The following KAZN variants were observed in gnomAD, a reference collection of about 807,000 sequenced individuals.
The protein encoded by KAZN is kazrin, periplakin interacting protein.
KAZN carries 40 observed loss-of-function variants against 87.4 expected under a neutral mutation model. The ratio of observed to expected loss-of-function variants is 0.46; its 90% CI spans 0.36 to 0.60. The LOEUF (loss-of-function observed/expected upper bound fraction) is 0.60, where lower values mean the gene tolerates loss of function less well. Ranked by LOEUF, KAZN falls within the 20% of genes least tolerant of loss-of-function variation. The pLI is 0.00. For synonymous variants in KAZN, 466 were observed against 458.3 expected (o/e 1.02, Z -0.22); for missense variants, 898 against 1,073.9 (o/e 0.84, Z 2.29).
chr1:13,973,715 G>C (rs1472137217), intron 1 of KAZN, among the ~76,000 whole-genome samples: 1 of 152,184 alleles, frequency 6.6e-6, no homozygotes, highest in Non-Finnish European at 1.5e-5. Context: ...ACAGTGTCGT[G>C]CATCTTCTGC....
intron 1 of KAZN, among the ~76,000 whole-genome samples, chr1:14,124,907 A>G (rs1644831088): frequency 1.3e-5 from 2 of 152,084 alleles, no homozygotes; most frequent in Non-Finnish European, 1.5e-5. Flanking sequence ...TGGGGAGGGG[A>G]GAGAGGGAGA....
chr1:14,420,448 C>T (rs1346696847), intron 2 of KAZN, among the ~76,000 whole-genome samples: 1 of 152,222 alleles, frequency 6.6e-6, no homozygotes, highest in Non-Finnish European at 1.5e-5. Context: ...CCCACCGGAG[C>T]CACGGGGGGA....
chr1:14,631,307 A>G (rs1375628502), intron 1 of KAZN, among the ~76,000 whole-genome samples: 2 of 152,238 alleles, frequency 1.3e-5, no homozygotes, highest in Non-Finnish European at 2.9e-5. Flanking sequence ...AGTGAAGGCT[A>G]GAATAATTTG....
chr1:15,070,651 C>T (rs1437849900), intron 8 of KAZN, among the ~76,000 whole-genome samples: 1 of 152,152 alleles, frequency 6.6e-6, no homozygotes, highest in African/African-American at 2.4e-5. Flanking sequence ...GGACATCAGT[C>T]GTTTGACAAA....
rs546085308 is a variant in KAZN at position 14,902,327 on chromosome 1, G to A, written c.227-58357G>A. Among the ~76,000 whole-genome samples the A allele has an allele frequency of 1.7e-3, 251 of 151,748 alleles. 3 individuals are homozygous for A. The highest frequency in any genetic ancestry group is 2.5e-3 in the Admixed American group (38 of 15,216). ...AGCAAGCTCCGCCTCCCGGGTTCACGCCATTCTCCTGCCTCAGCTTCCTGA... is the reference window on the plus strand; with the variant it reads ...AGCAAGCTCCGCCTCCCGGGTTCACACCATTCTCCTGCCTCAGCTTCCTGA... On this transcript the variant is annotated intron_variant, in intron 1 of 14. Transcript: ENST00000376030.
intron 2 of KAZN, among the ~76,000 whole-genome samples, chr1:14,571,330 A>AAG (rs978340572): frequency 1.1e-4 from 16 of 152,116 alleles, no homozygotes; most frequent in African/African-American, 3.9e-4. Context: ...AATTACACCA[A>AAG]AGAGAAAGAA....
At chr1:14,146,773 C>A (rs963576701) in intron 1 of KAZN, among the ~76,000 whole-genome samples, 1 of 149,128 alleles carries the variant, frequency 6.7e-6, no homozygotes, top group East Asian at 2.0e-4. Context: ...TTTCTGGTAA[C>A]CTTTCATTTT....
At chr1:14,889,396 G>T (rs970981187) in intron 1 of KAZN, among the ~76,000 whole-genome samples, 2 of 152,152 alleles carry the variant, frequency 1.3e-5, no homozygotes, top group Non-Finnish European at 2.9e-5. Context: ...CAGTAAAATG[G>T]ATGCACTATA....
rs1662239764 is a variant in KAZN at position 14,949,592 on chromosome 1, C to G, written c.227-11092C>G. ...TCCTCCTGGTGCCAGAAGCACCTGC[C>G]AAGTGATTTTTGTAGCCTCTGCCAT... On this transcript the variant is annotated intron_variant, in intron 1 of 14. Coordinates refer to ENST00000376030, the MANE Select transcript of KAZN (RefSeq NM_201628.3). This position sits in a 1 kb window ranked among gnomAD's most constrained non-coding sequence, Gnocchi z 4.3. Among the ~76,000 whole-genome samples, 1 of 152,326 alleles carries G rather than the reference C, an allele frequency of 6.6e-6. No individual in the cohort carries two copies. Among genetic ancestry groups the G allele is most frequent in the South Asian group, 2.1e-4 (1 of 4,828 alleles).
intron 2 of KAZN, among the ~76,000 whole-genome samples, chr1:14,425,342 C>G (rs1665662030): frequency 6.6e-6 from 1 of 152,310 alleles, no homozygotes; most frequent in South Asian, 2.1e-4. Flanking sequence ...AGTAAAGGCT[C>G]CAGCTGCAGT....
intron 2 of KAZN, among the ~76,000 whole-genome samples, chr1:14,356,330 T>C (rs1659026181): frequency 6.6e-6 from 1 of 152,234 alleles, no homozygotes. Context: ...TATTAGCCCT[T>C]TGTCAGATTG....
intron 1 of KAZN, among the ~76,000 whole-genome samples, chr1:14,691,698 G>A (rs930050923): frequency 7.9e-5 from 12 of 152,086 alleles, no homozygotes; most frequent in African/African-American, 2.9e-4. Context: ...TGTTGGCCAG[G>A]CTGGTCTCAA....
intron 1 of KAZN, among the ~76,000 whole-genome samples, chr1:13,965,044 A>G (rs960075975): frequency 2.6e-5 from 4 of 152,038 alleles, no homozygotes; most frequent in Admixed American, 6.5e-5. Context: ...ACACAGCAGG[A>G]GAGTGAGGCT....
At chr1:14,107,459 C>T (rs1644402566) in intron 1 of KAZN, among the ~76,000 whole-genome samples, 2 of 152,054 alleles carry the variant, frequency 1.3e-5, no homozygotes, top group East Asian at 1.9e-4. Flanking sequence ...AAAGTAATTC[C>T]TCTCCCTGTC....
At chr1:14,076,378 C>A (rs1412411675) in intron 1 of KAZN, among the ~76,000 whole-genome samples, 1 of 152,108 alleles carries the variant, frequency 6.6e-6, no homozygotes, top group African/African-American at 2.4e-5. Context: ...CCAAGGAGTG[C>A]TGAAGATTGC....
Position 14,755,824 on chromosome 1 carries a change from G to A in KAZN, c.226+156601G>A, listed in dbSNP as rs375271455. Among the ~76,000 whole-genome samples the A allele has an allele frequency of 3.8e-4, 58 of 152,250 alleles. 1 individual carries two copies. In the South Asian group the frequency reaches 0.011, roughly 29 times the overall value. On this transcript the variant is annotated intron_variant, in intron 1 of 14. Coordinates refer to ENST00000376030, the MANE Select transcript of KAZN (RefSeq NM_201628.3). Reference sequence around the variant, plus strand: ...ACTGGCCAAGTGGAGTGAACATTCCGGGGAATTCACCCACTTAGGAGAAAC... The same window carrying A: ...ACTGGCCAAGTGGAGTGAACATTCCAGGGAATTCACCCACTTAGGAGAAAC...
At chr1:15,110,964 T>C (rs1361316250) in intron 13 of KAZN, among the ~76,000 whole-genome samples, 1 of 152,232 alleles carries the variant, frequency 6.6e-6, no homozygotes, top group African/African-American at 2.4e-5. Context: ...GCCAGCTACC[T>C]GAGTTTACAT....
In KAZN at chr1:14,244,313, C is replaced by T. The variant is rs192020632; in HGVS notation, c.249+63721C>T. On this transcript the variant is annotated intron_variant, in intron 2 of 16. Transcript: ENST00000636203. ...CACCTTTCAGAGAAGCCACCTCTGG[C>T]TACTTTCTCTACAGAAGAAGTAACC... is the stretch of plus-strand genomic sequence containing the variant. Among the ~76,000 whole-genome samples the T allele has an allele frequency of 2.6e-5, 4 of 152,324 alleles. No homozygotes were observed. In the East Asian group the frequency reaches 7.7e-4, roughly 29 times the overall value.
chr1:13,920,644 A>G (rs1260102548), intron 1 of KAZN, among the ~76,000 whole-genome samples: 1 of 152,220 alleles, frequency 6.6e-6, no homozygotes, highest in Non-Finnish European at 1.5e-5. Flanking sequence ...TTAAGGGTTT[A>G]GGGAGGGAGA....
Sources: allele counts gnomAD v4.1 joint callset (sites outside exome capture counted in the v4.1 genomes callset), GRCh38; gene constraint gnomAD v4.1.1; non-coding constraint Gnocchi (gnomAD v3.1); transcripts MANE v1.5; gene names NCBI Gene and HGNC (gene_info 2026-07-23, HGNC 2026-07-21).